The following IDO1 variants were observed in gnomAD, a reference collection of about 807,000 sequenced individuals.
The protein encoded by IDO1 is indoleamine 2,3-dioxygenase 1.
Under a neutral mutation model 38.8 loss-of-function variants are expected in IDO1, and 35 were observed. The ratio of observed to expected loss-of-function variants is 0.90; its 90% CI spans 0.69 to 1.20. IDO1 has a LOEUF of 1.20. Ranked by LOEUF, IDO1 falls within the 50% of genes most tolerant of loss-of-function variation. The pLI is 0.00. For synonymous variants in IDO1, 171 were observed against 170.0 expected, an observed-to-expected ratio of 1.01 and a Z score of -0.05; for missense variants, 509 against 485.1, an observed-to-expected ratio of 1.05 and a Z score of -0.46.
rs1334319565 is a variant in IDO1 at position 39,924,762 on chromosome 8, T to C, written c.697T>C (p.Tyr233His). The C allele has an allele frequency of 1.9e-6, 3 of 1,608,906 alleles. No individual in the cohort carries two copies. ...AGCATTTTTCAGTGTTCTTCGCATA[T>C]ATTTGTCTGGGTATGTAGTCTTATG... ...PKAFFSVLRI[Y>H]LSGWKGNPQL... The change falls in exon 8 of 10, where the codon TAT becomes CAT. Residue 233 changes from tyrosine to histidine, a missense_variant. Coordinates refer to ENST00000518237, the MANE Select transcript of IDO1 (RefSeq NM_002164.6).
chr8:39,918,354 G>A (rs929130002), intron 3 of IDO1, 147 bp downstream of exon 3: 9 of 679,164 alleles, frequency 1.3e-5, no homozygotes, highest in Non-Finnish European at 2.2e-5. Flanking sequence ...AATATGCCCT[G>A]GCTTGACATG....
chr8:39,918,297 T>C, intron 3 of IDO1, 90 bp downstream of exon 3: 1 of 1,353,554 alleles, frequency 7.4e-7, no homozygotes, highest in Non-Finnish European at 1.0e-6. Context: ...AAAAGCATTA[T>C]AACTGCATCA....
At chr8:39,926,043 T>C (rs1410806293) in intron 9 of IDO1, among the ~76,000 whole-genome samples, 1 of 151,610 alleles carries the variant, frequency 6.6e-6, no homozygotes, top group Non-Finnish European at 1.5e-5. Flanking sequence ...AAAAAGTAGC[T>C]GGGCATGGTG....
intron 1 of IDO1, among the ~76,000 whole-genome samples, chr8:39,917,368 T>C (rs1807189728): frequency 6.6e-6 from 1 of 152,122 alleles, no homozygotes. Context: ...TGGTGGCTCA[T>C]GCCTGTAATC....
intron 1 of IDO1, 126 bp downstream of exon 1, chr8:39,914,135 A>G: frequency 1.5e-6 from 1 of 646,298 alleles, no homozygotes; most frequent in Non-Finnish European, 2.7e-6. Flanking sequence ...AAGCTGTGTA[A>G]AAATTAGAGA....
At chr8:39,914,800 C>G (rs1362983555) in intron 1 of IDO1, among the ~76,000 whole-genome samples, 1 of 152,158 alleles carries the variant, frequency 6.6e-6, no homozygotes, top group Non-Finnish European at 1.5e-5. Context: ...GAGTCTCGCT[C>G]TGTCACCTGG....
intron 3 of IDO1, chr8:39,918,459 T>C: frequency 2.0e-6 from 1 of 505,054 alleles, no homozygotes; most frequent in Non-Finnish European, 3.5e-6. Context: ...TAATACAGAC[T>C]GCAATATCTA....
At chr8:39,916,617 A>T (rs561149406) in intron 1 of IDO1, among the ~76,000 whole-genome samples, 1 of 152,354 alleles carries the variant, frequency 6.6e-6, no homozygotes, top group South Asian at 2.1e-4. Context: ...GAACCAAAAA[A>T]TGTCTGTTTT....
chr8:39,915,374 T>TA (rs1295681948), intron 1 of IDO1, among the ~76,000 whole-genome samples: 2 of 152,206 alleles, frequency 1.3e-5, no homozygotes, highest in Admixed American at 1.3e-4. Flanking sequence ...CTCAAACAGT[T>TA]ACAGTCCACA....
At chr8:39,921,565 C>T (rs1365143596) in intron 5 of IDO1, among the ~76,000 whole-genome samples, 2 of 152,162 alleles carry the variant, frequency 1.3e-5, no homozygotes, top group African/African-American at 4.8e-5. Context: ...ACGAGGATGA[C>T]ATCAGCAGTC....
chr8:39,918,843 AC>A lies in IDO1; in HGVS notation c.333del (p.Cys112AlafsTer32). On this transcript the variant is annotated frameshift_variant, in exon 4 of 10. Coordinates refer to ENST00000518237, the MANE Select transcript of IDO1 (RefSeq NM_002164.6). LOFTEE classifies it high-confidence loss of function. ...KVLPRNIAVP[Y>X]CQLSKKLELP... ...TTGCCAAGAAATATTGCTGTTCCTT[AC>A]TGCCAACTCTCCAAGAAACTGGAAC... 6.2e-7 allele frequency: 1 copy of A among 1,611,858 alleles called. No homozygotes were observed. Among genetic ancestry groups the A allele is most frequent in the South Asian group, 1.1e-5 (1 of 91,048 alleles).
intron 7 of IDO1, 113 bp downstream of exon 7, chr8:39,923,699 T>A: frequency 1.7e-6 from 1 of 603,976 alleles, no homozygotes; most frequent in Non-Finnish European, 3.0e-6. Flanking sequence ...GTTTTCACTT[T>A]AGGTATTTTA....
At chr8:39,914,516 G>A (rs6988780) in intron 1 of IDO1, among the ~76,000 whole-genome samples, 151,473 of 152,288 alleles carry the variant, frequency 0.99, 75,330 homozygotes, top group East Asian at 1. Context: ...TTTACTGAGC[G>A]TAAGATTCAA....
chr8:39,924,605 A>G (rs1400921273), intron 7 of IDO1, 116 bp from the exon 8 acceptor site: 8 of 698,150 alleles, frequency 1.1e-5, no homozygotes, highest in Non-Finnish European at 1.8e-5. Flanking sequence ...GCATAGACTG[A>G]CCTAATGCCT....
Position 39,916,019 on chromosome 8 carries a change from C to T in IDO1, c.88-1856C>T, listed in dbSNP as rs545368761. ...TCTCTACTAAAAAAATACAAAAATT[C>T]GCAGGGCATAGTGGCATACACCTGT... On this transcript the variant is annotated intron_variant, in intron 1 of 9. Transcript: ENST00000518237. 4.7e-4 allele frequency among the ~76,000 whole-genome samples: 71 copies of T among 149,668 alleles called. 1 individual carries two copies. The South Asian group carries it at 8.9e-3, about 19-fold the overall frequency.
chr8:39,920,026 A>G, intron 4 of IDO1, 74 bp from the exon 5 acceptor site: 2 of 1,267,502 alleles, frequency 1.6e-6, no homozygotes, highest in Non-Finnish European at 2.3e-6. Flanking sequence ...GCAACAACTC[A>G]TCATTATTTG....
intron 7 of IDO1, 124 bp from the exon 8 acceptor site, chr8:39,924,597 A>G (rs889828165): frequency 1.5e-5 from 10 of 679,050 alleles, no homozygotes; most frequent in Non-Finnish European, 2.7e-5. Context: ...TTTGTTTAGC[A>G]TAGACTGACC....
Position 39,918,203 on chromosome 8 carries a change from G to A in IDO1, c.299G>A (p.Arg100His), listed in dbSNP as rs200244502. The change falls in exon 3 of 10, where the codon CGT becomes CAT. Residue 100 changes from arginine to histidine, a missense_variant. Arg to His is a conservative substitution (Grantham distance 29). Transcript: ENST00000518237. ...TGGGGCAAAGGTCATGGAGATGTCC[G>A]TAAGGTTTGGAGATTTTCTCAGATT... ...YVWGKGHGDVRKVLPRNIAVP... is the reference protein window; with the variant it reads ...YVWGKGHGDVHKVLPRNIAVP... 44 of 1,606,986 alleles carry A rather than the reference G, an allele frequency of 2.7e-5. No homozygotes were observed. The highest frequency in any genetic ancestry group is 7.7e-5 in the South Asian group (7 of 90,390).
chr8:39,917,588 T>C (rs138438195), intron 1 of IDO1, among the ~76,000 whole-genome samples: 3 of 152,368 alleles, frequency 2.0e-5, no homozygotes, highest in Admixed American at 6.5e-5. Context: ...GTGGAGGAGA[T>C]TGGTTTCAAA....
Sources: gnomAD v4.1 joint callset for allele counts (sites outside exome capture counted in the v4.1 genomes callset) on GRCh38, gnomAD v4.1.1 for gene constraint, MANE v1.5 for transcripts, NCBI Gene and HGNC (gene_info 2026-07-23, HGNC 2026-07-21) for gene names.